Variants in CDH23 observed in about 807,000 individuals in gnomAD.
CDH23 encodes cadherin related 23, also known as cadherin-23.
In CDH23, 189 loss-of-function variants were observed where a neutral mutation model predicts 317.1. The observed-to-expected ratio is 0.60, with a 90% CI of 0.53 to 0.67. CDH23 has a LOEUF of 0.67. Among genes scored for constraint, CDH23 ranks in the 30% least tolerant of loss-of-function variants. The pLI, the probability that CDH23 is intolerant of heterozygous loss-of-function variation, is 0.00. For synonymous variants in CDH23, 1,839 were observed against 1,876.8 expected, an observed-to-expected ratio of 0.98 and a Z score of 0.52; for missense variants, 4,401 against 4,592.4, an observed-to-expected ratio of 0.96 and a Z score of 1.20.
chr10:71,469,280 C>G (rs1300403565), intron 3 of CDH23, among the ~76,000 whole-genome samples: 1 of 152,140 alleles, frequency 6.6e-6, no homozygotes, highest in African/African-American at 2.4e-5. Flanking sequence ...TCCTCATGCC[C>G]CTTCATGCCC....
chr10:71,503,768 G>C (rs1041257417), intron 3 of CDH23, among the ~76,000 whole-genome samples: 2 of 152,186 alleles, frequency 1.3e-5, no homozygotes, highest in African/African-American at 4.8e-5. Flanking sequence ...TTTGAGGAAG[G>C]CCTCCCCAAC....
chr10:71,811,898 C>T (rs1841943137), intron 65 of CDH23, 57 bp from the exon 66 acceptor site: 4 of 1,599,086 alleles, frequency 2.5e-6, no homozygotes, highest in Admixed American at 3.4e-5. Context: ...CCCCCCAACA[C>T]CACCCCTACC....
chr10:71,675,549 G>T (rs1864325248), intron 15 of CDH23, among the ~76,000 whole-genome samples: 1 of 152,200 alleles, frequency 6.6e-6, no homozygotes, highest in Admixed American at 6.5e-5. Flanking sequence ...CACAGGCATT[G>T]TCTTGTGTCA....
intron 30 of CDH23, 138 bp downstream of exon 30, chr10:71,725,658 G>C: frequency 9.5e-7 from 1 of 1,049,140 alleles, no homozygotes. Flanking sequence ...CTGGGCCTAA[G>C]GGTTCGGTGA....
chr10:71,775,969 G>T (rs1840808782), intron 38 of CDH23, among the ~76,000 whole-genome samples: 1 of 152,110 alleles, frequency 6.6e-6, no homozygotes, highest in South Asian at 2.1e-4. Flanking sequence ...GCACCACATT[G>T]CAGGAAAGGG....
intron 9 of CDH23, among the ~76,000 whole-genome samples, chr10:71,599,362 C>T (rs1469212449): frequency 6.6e-6 from 1 of 152,106 alleles, no homozygotes; most frequent in East Asian, 1.9e-4. Flanking sequence ...AATGGCATCC[C>T]TGACTTGAAT....
At chr10:71,421,572 C>A (rs1387607351) in intron 1 of CDH23, among the ~76,000 whole-genome samples, 1 of 152,186 alleles carries the variant, frequency 6.6e-6, no homozygotes, top group African/African-American at 2.4e-5. Flanking sequence ...AAATAAACCA[C>A]CTACTGCTCT....
intron 3 of CDH23, among the ~76,000 whole-genome samples, chr10:71,467,098 C>A (rs1372883593): frequency 2.6e-5 from 4 of 152,106 alleles, no homozygotes; most frequent in African/African-American, 9.7e-5. Context: ...CTAGCAAGAG[C>A]TGCAAGGAGG....
intron 28 of CDH23, among the ~76,000 whole-genome samples, chr10:71,718,574 C>A (rs1456853614): frequency 6.6e-6 from 1 of 152,202 alleles, no homozygotes; most frequent in Non-Finnish European, 1.5e-5. Context: ...CGCTCATTCC[C>A]GTGGGGAGAA....
chr10:71,574,397 A>G (rs928350954), intron 8 of CDH23, among the ~76,000 whole-genome samples: 52 of 152,124 alleles, frequency 3.4e-4, no homozygotes, highest in African/African-American at 1.2e-3. Context: ...AACTGCACAA[A>G]TTACTGCCAG....
chr10:71,421,827 C>CGT (rs138169723), intron 1 of CDH23, among the ~76,000 whole-genome samples: 5,124 of 148,168 alleles, frequency 0.035, 159 homozygotes, highest in Admixed American at 0.068. Flanking sequence ...TGTGAGGAAG[C>CGT]GTGTGTGTGT....
chr10:71,430,859 A>G (rs531805990), intron 1 of CDH23, among the ~76,000 whole-genome samples: 2 of 152,254 alleles, frequency 1.3e-5, no homozygotes, highest in South Asian at 4.1e-4. Flanking sequence ...TGGTTAAAGG[A>G]TGGTCCCCCA....
intron 38 of CDH23, among the ~76,000 whole-genome samples, chr10:71,766,745 G>A (rs574577383): frequency 4.5e-4 from 69 of 152,246 alleles, no homozygotes; most frequent in Middle Eastern, 6.8e-3. Context: ...TCAGAGAAGT[G>A]ACTTGCCCAA....
chr10:71,701,974 C>T (rs1490184135), intron 22 of CDH23, 48 bp from the exon 23 acceptor site: 1 of 1,596,228 alleles, frequency 6.3e-7, no homozygotes, highest in Admixed American at 1.7e-5. Context: ...CCCAGAGACA[C>T]CCTCCCCAGG....
intron 9 of CDH23, among the ~76,000 whole-genome samples, chr10:71,580,931 G>A (rs1160891422): frequency 2.0e-5 from 3 of 152,114 alleles, no homozygotes; most frequent in Non-Finnish European, 4.4e-5. Context: ...CCTAAAGCAG[G>A]CTAATGGGCA....
chr10:71,617,413 G>A lies in CDH23; in HGVS notation c.1134+20G>A. 6.2e-7 allele frequency: 1 copy of A among 1,610,506 alleles called. No homozygotes were observed. Among genetic ancestry groups the A allele is most frequent in the Non-Finnish European group, 8.5e-7 (1 of 1,179,572 alleles). On this transcript the variant is annotated intron_variant, in intron 11 of 69. Coordinates refer to ENST00000224721, the MANE Select transcript of CDH23 (RefSeq NM_022124.6). Reference sequence around the variant, plus strand: ...GATGAGGTGAGTCCCTGGACACATGGCCCATGCAGACCCACCACCCATCCA... The same window carrying A: ...GATGAGGTGAGTCCCTGGACACATGACCCATGCAGACCCACCACCCATCCA...
At chr10:71,788,292 C>T (rs797006463) in intron 44 of CDH23, among the ~76,000 whole-genome samples, 35 of 152,144 alleles carry the variant, frequency 2.3e-4, no homozygotes, top group African/African-American at 6.7e-4. Flanking sequence ...TTAAGTGATC[C>T]GCCCACCTCA....
At chr10:71,760,303 A>AAAAAGACT (rs1840342606) in intron 38 of CDH23, among the ~76,000 whole-genome samples, 1 of 105,834 alleles carries the variant, frequency 9.4e-6, no homozygotes, top group Non-Finnish European at 2.3e-5. Flanking sequence ...ATATATATGT[A>AAAAAGACT]TATACACACA....
At chr10:71,693,647 T>G (rs1589341629) in intron 20 of CDH23, among the ~76,000 whole-genome samples, 2 of 152,162 alleles carry the variant, frequency 1.3e-5, no homozygotes, top group Non-Finnish European at 2.9e-5. Context: ...TTCTAAGATT[T>G]CCATGATCTT....
Sources: gnomAD v4.1 joint callset for allele counts (sites outside exome capture counted in the v4.1 genomes callset) on GRCh38, gnomAD v4.1.1 for gene constraint, MANE v1.5 for transcripts, NCBI Gene and HGNC (gene_info 2026-07-23, HGNC 2026-07-21) for gene names.